The following SCLT1 variants were observed in gnomAD, a reference collection of about 807,000 sequenced individuals.
The protein encoded by SCLT1 is sodium channel and clathrin linker 1.
A neutral mutation model predicts 112.8 loss-of-function variants in SCLT1; 78 were observed. The ratio of observed to expected loss-of-function variants is 0.69; its 90% CI spans 0.58 to 0.83. SCLT1 has a LOEUF of 0.83. Ranked by LOEUF, SCLT1 falls within the 40% of genes least tolerant of loss-of-function variation. SCLT1 has a pLI of 0.00. For synonymous variants in SCLT1, 257 were observed against 254.7 expected (o/e 1.01, Z -0.09); for missense variants, 747 against 770.4 (o/e 0.97, Z 0.36).
At chr4:128,877,318 A>G (rs1024171459) in intron 3 of SCLT1, among the ~76,000 whole-genome samples, 1 of 152,080 alleles carries the variant, frequency 6.6e-6, no homozygotes, top group South Asian at 2.1e-4. Flanking sequence ...GTAGGGGTAG[A>G]TCTGGGATTC....
chr4:128,908,960 TGCTGTGGTG>T (rs1362291673), intron 18 of SCLT1, among the ~76,000 whole-genome samples: 1 of 152,240 alleles, frequency 6.6e-6, no homozygotes, highest in Admixed American at 6.5e-5. Context: ...TCAGTTTGTT[TGCTGTGGTG>T]GCTGACATTG....
chr4:128,948,456 A>T (rs1237110067), intron 15 of SCLT1, 40 bp downstream of exon 15: 1 of 1,591,452 alleles, frequency 6.3e-7, no homozygotes, highest in Non-Finnish European at 8.5e-7. Flanking sequence ...GCATATTTGC[A>T]GTTGGGTTTT....
intron 17 of SCLT1, 21 bp from the exon 18 acceptor site, chr4:128,936,872 G>T (rs752681270): frequency 1.5e-6 from 2 of 1,305,548 alleles, no homozygotes; most frequent in South Asian, 2.8e-5. Context: ...AAATGAAAAC[G>T]TATTTTCTTT....
intron 2 of SCLT1, among the ~76,000 whole-genome samples, chr4:129,073,433 T>C (rs1431274988): frequency 1.3e-5 from 2 of 152,194 alleles, no homozygotes; most frequent in Non-Finnish European, 1.5e-5. Flanking sequence ...GGAATTGTTA[T>C]GAAATCAAAA....
intron 5 of SCLT1, among the ~76,000 whole-genome samples, chr4:129,029,180 C>T (rs974559375): frequency 1.4e-4 from 21 of 152,134 alleles, no homozygotes; most frequent in Admixed American, 1.0e-3. Context: ...TTACTGGGTA[C>T]ATACCCAGAG....
chr4:129,004,281 T>C (rs969572719), intron 5 of SCLT1, among the ~76,000 whole-genome samples: 62 of 152,160 alleles, frequency 4.1e-4, no homozygotes, highest in Non-Finnish European at 7.2e-4. Flanking sequence ...GTAGAATTAT[T>C]TGCTATTTTC....
At chr4:129,092,931 G>T (rs1752980427) in intron 1 of SCLT1, 139 bp downstream of exon 1, 1 of 604,748 alleles carries the variant, frequency 1.7e-6, no homozygotes, top group Non-Finnish European at 3.0e-6. Flanking sequence ...TAACATCAAG[G>T]TTTTTTTTTT....
intron 9 of SCLT1, among the ~76,000 whole-genome samples, chr4:128,989,685 T>A (rs1343407638): frequency 4.0e-5 from 6 of 151,074 alleles, no homozygotes; most frequent in Non-Finnish European, 8.9e-5. Flanking sequence ...GTTGTTTTTT[T>A]AAGACAAACA....
At chr4:129,030,166 A>C (rs1468006737) in intron 5 of SCLT1, among the ~76,000 whole-genome samples, 1 of 152,154 alleles carries the variant, frequency 6.6e-6, no homozygotes, top group Non-Finnish European at 1.5e-5. Context: ...CTCACTCAAA[A>C]CTGCACAACT....
chr4:128,990,484 T>C (rs1409687682), intron 9 of SCLT1, among the ~76,000 whole-genome samples: 1 of 151,824 alleles, frequency 6.6e-6, no homozygotes, highest in South Asian at 2.1e-4. Flanking sequence ...ACGGGTAATA[T>C]CATACTGAAT....
At chr4:128,889,312 G>T (rs147517919) in intron 19 of SCLT1, among the ~76,000 whole-genome samples, 2 of 152,266 alleles carry the variant, frequency 1.3e-5, no homozygotes, top group Non-Finnish European at 2.9e-5. Context: ...CATTAGGGTG[G>T]ACCATAATCC....
intron 9 of SCLT1, among the ~76,000 whole-genome samples, chr4:128,978,335 A>G (rs980222061): frequency 2.6e-5 from 4 of 152,132 alleles, no homozygotes; most frequent in Non-Finnish European, 5.9e-5. Context: ...AGATATGATC[A>G]TCTATGAAGG....
chr4:128,933,810 T>C (rs1388014910), intron 18 of SCLT1, among the ~76,000 whole-genome samples: 1 of 152,096 alleles, frequency 6.6e-6, no homozygotes, highest in Non-Finnish European at 1.5e-5. Context: ...CTTAAAGACT[T>C]TTATAATAAC....
intron 2 of SCLT1, among the ~76,000 whole-genome samples, chr4:129,067,944 C>T (rs185118277): frequency 1.3e-4 from 20 of 151,954 alleles, no homozygotes; most frequent in East Asian, 5.8e-4. Context: ...ACCCAACACC[C>T]GAGCAGTATA....
At chr4:128,974,066 C>A (rs1740939665) in intron 9 of SCLT1, among the ~76,000 whole-genome samples, 1 of 152,098 alleles carries the variant, frequency 6.6e-6, no homozygotes, top group Admixed American at 6.6e-5. Context: ...AAATAATTTT[C>A]CCATATAGCT....
intron 9 of SCLT1, among the ~76,000 whole-genome samples, chr4:128,981,454 T>A (rs2126052005): frequency 6.6e-6 from 1 of 152,314 alleles, no homozygotes; most frequent in African/African-American, 2.4e-5. Context: ...ATAACATTAC[T>A]AGTGTGAACC....
At chr4:128,966,716 T>C (rs1040816867) in intron 10 of SCLT1, among the ~76,000 whole-genome samples, 2 of 152,236 alleles carry the variant, frequency 1.3e-5, no homozygotes, top group Non-Finnish European at 2.9e-5. Context: ...TCTCTCATTT[T>C]TGGTTTATTT....
At chr4:129,006,079 A>G (rs1743984876) in intron 5 of SCLT1, among the ~76,000 whole-genome samples, 1 of 150,548 alleles carries the variant, frequency 6.6e-6, no homozygotes, top group African/African-American at 2.4e-5. Context: ...TGACAAGTTA[A>G]TGGGTGCAGC....
intron 5 of SCLT1, among the ~76,000 whole-genome samples, chr4:129,028,450 G>A (rs575695559): frequency 5.7e-4 from 86 of 152,126 alleles, no homozygotes; most frequent in South Asian, 1.2e-3. Context: ...TTAATAAATG[G>A]TGCTGGGAAA....
Sources: gnomAD v4.1 joint callset for allele counts (sites outside exome capture counted in the v4.1 genomes callset) on GRCh38, gnomAD v4.1.1 for gene constraint, MANE v1.5 for transcripts, NCBI Gene and HGNC (gene_info 2026-07-23, HGNC 2026-07-21) for gene names.